GRIK4: variants seen among roughly 807,000 people sequenced by gnomAD.
The protein encoded by GRIK4 is glutamate ionotropic receptor kainate type subunit 4.
GRIK4 carries 40 observed loss-of-function variants against 104.9 expected under a neutral mutation model. The ratio of observed to expected loss-of-function variants is 0.38; its 90% CI spans 0.30 to 0.50. GRIK4 has a LOEUF of 0.50. GRIK4 is among the 20% of genes least tolerant of loss of function. The probability of loss-of-function intolerance (pLI) is 0.93; values close to 1 mark genes in which losing one functional copy is unlikely to be tolerated. For missense variants in GRIK4, 1,047 were observed against 1,308.1 expected (o/e 0.80, Z 3.08); for synonymous variants, 485 against 524.9 (o/e 0.92, Z 1.04).
chr11:120,557,860 C>CA lies in GRIK4; in HGVS notation c.-159+45981dup, dbSNP rs1414224964. On this transcript the variant is annotated intron_variant, in intron 1 of 20. Transcript: ENST00000527524. ...TGAAACTCCGTCTCTACTAAAAATA[C>CA]AAAAAAAATTAGCTGGGCGCGGTGG... Among the ~76,000 whole-genome samples the CA allele has an allele frequency of 5.3e-5, 8 of 150,974 alleles. No homozygotes were observed. In the South Asian group the frequency reaches 1.5e-3, roughly 28 times the overall value.
At chr11:120,829,018 C>T (rs1311087336) in intron 6 of GRIK4, among the ~76,000 whole-genome samples, 1 of 152,238 alleles carries the variant, frequency 6.6e-6, no homozygotes, top group African/African-American at 2.4e-5. Flanking sequence ...CCTTCCCTGT[C>T]TCGTCCCACT....
chr11:120,680,550 G>A (rs896757736), intron 3 of GRIK4, among the ~76,000 whole-genome samples: 1 of 152,122 alleles, frequency 6.6e-6, no homozygotes, highest in Non-Finnish European at 1.5e-5. Flanking sequence ...TGACTCCCTC[G>A]GCCTTGCTCC....
At chr11:120,541,520 G>A (rs565134498) in intron 1 of GRIK4, among the ~76,000 whole-genome samples, 44 of 151,730 alleles carry the variant, frequency 2.9e-4, no homozygotes, top group Admixed American at 1.1e-3. Flanking sequence ...CTGAGGTAGC[G>A]CCTTGCTCTG....
chr11:120,796,098 C>T (rs1328009327), intron 3 of GRIK4, among the ~76,000 whole-genome samples: 7 of 147,800 alleles, frequency 4.7e-5, no homozygotes, highest in Non-Finnish European at 1.0e-4. Context: ...TGCAGTGGCG[C>T]AATCTCAGCT....
intron 1 of GRIK4, among the ~76,000 whole-genome samples, chr11:120,556,796 C>T (rs756349735): frequency 1.3e-4 from 20 of 152,128 alleles, no homozygotes; most frequent in Non-Finnish European, 2.2e-4. Context: ...ATCTCCTCTC[C>T]GTTCCTTCCT....
At position 120,807,305 on chromosome 11, in the gene GRIK4, CAA is replaced by C. The variant is rs1242103843; in HGVS notation, c.247+4449_247+4450del. On this transcript the variant is annotated intron_variant, in intron 4 of 20. Transcript: ENST00000527524. The stretch of plus-strand genomic sequence containing the variant: ...TAAGCACCACCCTTTACCATTCAAA[CAA>C]CCTGAGGCTCCGTCCCAGCTTGAGG... Among the ~76,000 whole-genome samples, 352 of 152,306 alleles carry C rather than the reference CAA, an allele frequency of 2.3e-3. 2 individuals are homozygous for C. The highest frequency in any genetic ancestry group is 8.2e-3 in the African/African-American group (341 of 41,558).
intron 4 of GRIK4, among the ~76,000 whole-genome samples, chr11:120,810,990 A>C (rs1565366129): frequency 6.6e-6 from 1 of 152,296 alleles, no homozygotes; most frequent in East Asian, 1.9e-4. Context: ...AATTCCCCCC[A>C]CAAGTGTTCA....
chr11:120,645,005 A>T (rs780305013), intron 1 of GRIK4, among the ~76,000 whole-genome samples: 1 of 152,156 alleles, frequency 6.6e-6, no homozygotes. Context: ...GCATGTATGT[A>T]TGTGTCTACG....
chr11:120,603,536 A>G (rs1255379890), intron 1 of GRIK4, among the ~76,000 whole-genome samples: 1 of 152,156 alleles, frequency 6.6e-6, no homozygotes, highest in Non-Finnish European at 1.5e-5. Flanking sequence ...TCCAGTTTGT[A>G]CTAGGCATGA....
At chr11:120,575,630 G>T (rs1456326309) in intron 1 of GRIK4, among the ~76,000 whole-genome samples, 1 of 152,110 alleles carries the variant, frequency 6.6e-6, no homozygotes, top group African/African-American at 2.4e-5. Context: ...AGGCACAAGT[G>T]TAGAACTGAC....
At position 120,787,852 on chromosome 11, in the gene GRIK4, C is replaced by CTTTTTTTTTTTTTT. The variant is rs58523604; in HGVS notation, c.83-14825_83-14812dup. Reference sequence around the variant, plus strand: ...TTTCTTCTCTTTTTTCTTTTCTTTTCTTTTTTTTTTTTTTTTTTTTTTTTT... The same window carrying CTTTTTTTTTTTTTT: ...TTTCTTCTCTTTTTTCTTTTCTTTTCTTTTTTTTTTTTTTTTTTTTTTTTTTTTTTTTTTTTTTT... On this transcript the variant is annotated intron_variant, in intron 3 of 20. Transcript: ENST00000527524. Among the ~76,000 whole-genome samples, 18 of 77,118 alleles carry CTTTTTTTTTTTTTT rather than the reference C, an allele frequency of 2.3e-4. 1 individual carries two copies. The highest frequency in any genetic ancestry group is 9.7e-4 in the South Asian group (2 of 2,066). 50.6% of individuals were successfully genotyped at this position (77,118 alleles called of 152,430 possible). A position where few individuals can be genotyped will look rare whatever the true frequency, so the allele number is the denominator to read the frequency against.
chr11:120,577,794 G>T (rs1157569991), intron 1 of GRIK4, among the ~76,000 whole-genome samples: 1 of 152,186 alleles, frequency 6.6e-6, no homozygotes. Flanking sequence ...CCTGCTGGCG[G>T]CAGGGGCAGG....
Position 120,735,639 on chromosome 11 carries a change from C to T in GRIK4, c.83-67054C>T, listed in dbSNP as rs186825678. Among the ~76,000 whole-genome samples the T allele has an allele frequency of 2.3e-3, 345 of 152,248 alleles. 4 individuals are homozygous for T. The highest frequency in any genetic ancestry group is 0.021 in the Admixed American group (328 of 15,300). On this transcript the variant is annotated intron_variant, in intron 3 of 20. Transcript: ENST00000527524. ...CCTTTCTTTCAAGGCGACAAGTTCCCCCAGGCCCAAAGTGGGTCTATAGAT... is the reference window on the plus strand; with the variant it reads ...CCTTTCTTTCAAGGCGACAAGTTCCTCCAGGCCCAAAGTGGGTCTATAGAT...
chr11:120,522,889 G>A (rs1228585295), intron 1 of GRIK4, among the ~76,000 whole-genome samples: 4 of 152,088 alleles, frequency 2.6e-5, no homozygotes, highest in Non-Finnish European at 5.9e-5. Context: ...TCTTTAGCAT[G>A]TTTCCAGAGT....
chr11:120,711,981 A>G (rs984437374), intron 3 of GRIK4, among the ~76,000 whole-genome samples: 12 of 138,496 alleles, frequency 8.7e-5, no homozygotes, highest in Non-Finnish European at 7.5e-5. Flanking sequence ...GGAAATGATT[A>G]TTATACACTG....
chr11:120,637,142 G>GGA (rs142967472), intron 1 of GRIK4, among the ~76,000 whole-genome samples: 3 of 151,602 alleles, frequency 2.0e-5, no homozygotes, highest in South Asian at 4.2e-4. Context: ...GAGGTGAGAG[G>GGA]GAGAGAGAGA....
chr11:120,900,021 C>T (rs1335460490), intron 12 of GRIK4, among the ~76,000 whole-genome samples: 1 of 152,168 alleles, frequency 6.6e-6, no homozygotes, highest in African/African-American at 2.4e-5. Flanking sequence ...AATGATTGAT[C>T]TACTATAAAC....
Position 120,661,322 on chromosome 11 carries a change from G to A in GRIK4, c.82+922G>A, listed in dbSNP as rs1209462085. On this transcript the variant is annotated intron_variant, in intron 3 of 20. Coordinates refer to ENST00000527524, the MANE Select transcript of GRIK4 (RefSeq NM_014619.5). The stretch of plus-strand genomic sequence containing the variant: ...CAGAAAGGTAGGTTGATGGCCACAA[G>A]ACGACCCATCCAACAGCAGGGCCCC... 2.0e-5 allele frequency among the ~76,000 whole-genome samples: 3 copies of A among 152,336 alleles called. No individual in the cohort carries two copies. In the East Asian group the frequency reaches 5.8e-4, roughly 29 times the overall value.
In GRIK4 at chr11:120,849,213, G is replaced by A. The variant is rs560969372; in HGVS notation, c.744+12369G>A. Among the ~76,000 whole-genome samples, 108 of 152,180 alleles carry A rather than the reference G, an allele frequency of 7.1e-4. 1 individual carries two copies. The South Asian group carries it at 0.022, about 30-fold the overall frequency. On this transcript the variant is annotated intron_variant, in intron 8 of 20. Transcript: ENST00000527524. ...TATGCCCATGTGCCTTGGTGAGTGG[G>A]TGCATCAGACTGTGCATATAAAATA...
Sources: gnomAD v4.1 joint callset for allele counts (sites outside exome capture counted in the v4.1 genomes callset) on GRCh38, gnomAD v4.1.1 for gene constraint, MANE v1.5 for transcripts, NCBI Gene and HGNC (gene_info 2026-07-23, HGNC 2026-07-21) for gene names.